Variants in HADHB observed in about 807,000 individuals in gnomAD.
HADHB encodes the protein hydroxyacyl-CoA dehydrogenase trifunctional multienzyme complex subunit beta, also known as trifunctional enzyme subunit beta, mitochondrial.
HADHB carries 50 observed loss-of-function variants against 61.9 expected under a neutral mutation model. That is an observed-to-expected ratio of 0.81 (90% confidence interval 0.64 to 1.02). The LOEUF is 1.02. HADHB is among the 50% of genes least tolerant of loss of function. HADHB has a pLI of 0.00. For missense variants in HADHB, 504 were observed against 586.5 expected, an observed-to-expected ratio of 0.86 and a Z score of 1.45; for synonymous variants, 191 against 201.6, an observed-to-expected ratio of 0.95 and a Z score of 0.45.
chr2:26,248,933 T>G (rs1671273859), intron 1 of HADHB, among the ~76,000 whole-genome samples: 1 of 152,008 alleles, frequency 6.6e-6, no homozygotes, highest in African/African-American at 2.4e-5. Flanking sequence ...GGCACGTGCC[T>G]GGAGTCTCAG....
chr2:26,278,713 A>G lies in HADHB; in HGVS notation c.542A>G (p.Lys181Arg). Residue 181 changes from lysine to arginine, a missense_variant, in exon 8 of 16, where the codon AAA (lysine) becomes AGA (arginine). Transcript: ENST00000317799. Reference protein sequence around the residue: ...VPIRHSRKMRKLMLDLNKAKS... With the variant: ...VPIRHSRKMRRLMLDLNKAKS... ...ATTCGTCACTCAAGGAAAATGAGAA[A>G]ACTGATGCTTGATCTCAATAAGGCC... 6 of 1,613,982 alleles carry G rather than the reference A, an allele frequency of 3.7e-6. No individual in the cohort carries two copies. The highest frequency in any genetic ancestry group is 5.1e-6 in the Non-Finnish European group (6 of 1,179,850).
At chr2:26,277,751 G>C (rs1047926068) in intron 7 of HADHB, among the ~76,000 whole-genome samples, 6 of 152,210 alleles carry the variant, frequency 3.9e-5, no homozygotes, top group Non-Finnish European at 1.5e-5. Flanking sequence ...GTATCTCTAG[G>C]AAGGTACTTC....
chr2:26,284,208 A>T lies in HADHB; in HGVS notation c.1149+4A>T, dbSNP rs2303893. ...TGAATTTCATGAAGCTTTCTCGGTA[A>T]GTAATTTGAAAGACACATATGAAGG... On this transcript the variant is annotated splice_donor_region_variant and intron_variant, in intron 13 of 15. Transcript: ENST00000317799. The T allele has an allele frequency of 0.092, 135,586 of 1,471,066 alleles. 20,338 individuals are homozygous for T. Among genetic ancestry groups the T allele is most frequent in the East Asian group, 0.79 (34,490 of 43,840 alleles). The allele number at this position is 1,471,066 out of a possible 1,614,324, so 91.1% of individuals were successfully genotyped here.
At chr2:26,273,799 T>C in intron 6 of HADHB, 49 bp downstream of exon 6, 1 of 942,492 alleles carries the variant, frequency 1.1e-6, no homozygotes, top group East Asian at 2.4e-5. Flanking sequence ...GGAGAATCAC[T>C]TTGAATTTCA....
At chr2:26,282,359 A>G (rs1275886520) in intron 10 of HADHB, among the ~76,000 whole-genome samples, 4 of 151,100 alleles carry the variant, frequency 2.6e-5, no homozygotes, top group African/African-American at 9.7e-5. Context: ...GGTTCAAGCA[A>G]TTCTCCTGCC....
At chr2:26,282,573 A>G (rs1347983016) in intron 10 of HADHB, among the ~76,000 whole-genome samples, 1 of 152,074 alleles carries the variant, frequency 6.6e-6, no homozygotes, top group African/African-American at 2.4e-5. Context: ...GGCCATGAGC[A>G]TTTATTTCTA....
rs1343638857 is a variant in HADHB, at chr2:26,279,306, A to G, written c.802A>G (p.Lys268Glu). The G allele has an allele frequency of 6.2e-7, 1 of 1,609,100 alleles. No homozygotes were observed. Among genetic ancestry groups the G allele is most frequent in the Admixed American group, 1.7e-5 (1 of 60,014 alleles). Residue 268 changes from lysine (K) to glutamate (E), a missense_variant, in exon 9 of 16, where the codon AAA becomes GAA. Lys to Glu is a moderately conservative substitution (Grantham distance 56). Transcript: ENST00000317799. Reference protein sequence around the residue: ...EGLLSDVVPFKVPGKDTVTKD... With the variant: ...EGLLSDVVPFEVPGKDTVTKD... ...ACTCCTTTCTGATGTGGTACCCTTC[A>G]AAGTACCAGGTGAAATGAAATGCTT...
chr2:26,250,925 A>G (rs1422655971), intron 1 of HADHB, among the ~76,000 whole-genome samples: 1 of 151,358 alleles, frequency 6.6e-6, no homozygotes, highest in Non-Finnish European at 1.5e-5. Flanking sequence ...ATACATTTAA[A>G]TATTTAATCT....
intron 4 of HADHB, among the ~76,000 whole-genome samples, chr2:26,263,685 A>G (rs937046166): frequency 6.6e-6 from 1 of 152,208 alleles, no homozygotes; most frequent in African/African-American, 2.4e-5. Context: ...GAATAAGTCT[A>G]GCGTAGTTTT....
intron 1 of HADHB, among the ~76,000 whole-genome samples, chr2:26,253,444 T>A (rs1199435606): frequency 1.3e-5 from 2 of 152,168 alleles, no homozygotes; most frequent in African/African-American, 4.8e-5. Context: ...TAGTACAGCC[T>A]TCAGAATCGT....
At chr2:26,286,030 GC>G in intron 15 of HADHB, among the ~76,000 whole-genome samples, 1 of 151,902 alleles carries the variant, frequency 6.6e-6, no homozygotes, top group Non-Finnish European at 1.5e-5. Flanking sequence ...GAGCCACCAT[GC>G]CCTGCCATAA....
At position 26,264,998 on chromosome 2, in the gene HADHB, AAAAAAAG is replaced by A. The variant is rs57312068; in HGVS notation, c.209+1522_209+1528del. Among the ~76,000 whole-genome samples the A allele has an allele frequency of 6.2e-3, 946 of 152,122 alleles. 8 individuals are homozygous for A. The highest frequency in any genetic ancestry group is 0.021 in the African/African-American group (884 of 41,426). On this transcript the variant is annotated intron_variant, in intron 4 of 15. Coordinates refer to ENST00000317799, the MANE Select transcript of HADHB (RefSeq NM_000183.3). ...CAGCGAGACCCTGTTTCAAAAAAAA[AAAAAAAG>A]AAGAAGAAGTAATGCTATAAGTAAA... is the stretch of plus-strand genomic sequence containing the variant.
intron 9 of HADHB, 89 bp downstream of exon 9, chr2:26,279,404 T>C (rs1266046236): frequency 1.1e-6 from 1 of 918,754 alleles, no homozygotes; most frequent in Non-Finnish European, 1.8e-6. Context: ...TCCATAAGTA[T>C]GTTGGTTCTG....
chr2:26,290,048 C>G lies in HADHB; in HGVS notation c.*95C>G. On this transcript the variant is annotated 3_prime_UTR_variant, in exon 16 of 16. Transcript: ENST00000317799. ...ACTAAATGACATTTGTAGTTCCTAG[C>G]TCCTCTTAGGAAAACAGTTCTTGTG... 1 of 873,418 alleles carries G rather than the reference C, an allele frequency of 1.1e-6. No homozygotes were observed. The allele number at this position is 873,418 out of a possible 1,614,324, so 54.1% of individuals were successfully genotyped here. A position where few individuals can be genotyped will look rare whatever the true frequency, so the allele number is the denominator to read the frequency against.
chr2:26,285,373 C>T, intron 14 of HADHB, 34 bp from the exon 15 acceptor site: 1 of 1,595,886 alleles, frequency 6.3e-7, no homozygotes, highest in African/African-American at 1.3e-5. Flanking sequence ...CTTAAGTAAA[C>T]TTATCTTTAC....
intron 15 of HADHB, 103 bp from the exon 16 acceptor site, chr2:26,289,815 T>C (rs1673191183): frequency 1.2e-6 from 1 of 831,986 alleles, no homozygotes. Flanking sequence ...AGAGCCAGGA[T>C]CCCACTCCAA....
In HADHB at chr2:26,272,292, G is replaced by A. The variant is rs573097435; in HGVS notation, c.255-1359G>A. On this transcript the variant is annotated intron_variant, in intron 5 of 15. Transcript: ENST00000317799. The stretch of plus-strand genomic sequence containing the variant: ...AGATTTTAAGTGTATAGTTTGATGA[G>A]TTTTGACAAATGTATATACCCCGTG... 7.3e-5 allele frequency among the ~76,000 whole-genome samples: 11 copies of A among 150,668 alleles called. No homozygotes were observed. The South Asian group carries it at 2.1e-3, about 29-fold the overall frequency.
intron 1 of HADHB, among the ~76,000 whole-genome samples, chr2:26,251,447 C>A (rs1320711489): frequency 1.3e-5 from 2 of 152,208 alleles, no homozygotes; most frequent in Non-Finnish European, 2.9e-5. Context: ...CTCGGCCTCC[C>A]AAAGTGCTGG....
chr2:26,273,889 TA>T, intron 6 of HADHB, 139 bp downstream of exon 6: 3 of 668,752 alleles, frequency 4.5e-6, no homozygotes, highest in Non-Finnish European at 8.2e-6. Context: ...ACAGCTTGGG[TA>T]ATGTGTTATT....
Sources: allele counts gnomAD v4.1 joint callset (sites outside exome capture counted in the v4.1 genomes callset), GRCh38; gene constraint gnomAD v4.1.1; transcripts MANE v1.5; gene names NCBI Gene and HGNC (gene_info 2026-07-23, HGNC 2026-07-21).